Variants in FAF2 observed in about 807,000 individuals in gnomAD.
FAF2 encodes Fas associated factor family member 2.
A neutral mutation model predicts 62.3 loss-of-function variants in FAF2; 9 were observed. The observed-to-expected ratio is 0.14, with a 90% CI of 0.09 to 0.25. FAF2 has a LOEUF of 0.25. Ranked by LOEUF, FAF2 falls within the 10% of genes least tolerant of loss-of-function variation. FAF2 has a pLI of 1.00. For missense variants in FAF2, 368 were observed against 556.2 expected (o/e 0.66, Z 3.40); for synonymous variants, 202 against 198.0 (o/e 1.02, Z -0.17).
intron 2 of FAF2, among the ~76,000 whole-genome samples, chr5:176,482,864 T>C (rs1758806347): frequency 6.6e-6 from 1 of 151,640 alleles, no homozygotes; most frequent in South Asian, 2.1e-4. Flanking sequence ...CTGCGAGTTA[T>C]CTTTTTACTC....
intron 1 of FAF2, among the ~76,000 whole-genome samples, chr5:176,472,556 T>C (rs1758590171): frequency 6.6e-6 from 1 of 151,990 alleles, no homozygotes; most frequent in Admixed American, 6.6e-5. Context: ...ATGCTGGGAT[T>C]ACAGGTAATG....
rs530048837 is a variant in FAF2, at chr5:176,507,221, C to T, written c.*271C>T. On this transcript the variant is annotated 3_prime_UTR_variant, in exon 11 of 11. Coordinates refer to ENST00000261942, the MANE Select transcript of FAF2 (RefSeq NM_014613.3). ...ACCCTTCCTGTGGCCTCTGTGCACG[C>T]ACCTTCCAGTGAACAGAGACTCTTC... is the stretch of plus-strand genomic sequence containing the variant. 70 of 444,356 alleles carry T rather than the reference C, an allele frequency of 1.6e-4. No homozygotes were observed. Among genetic ancestry groups the T allele is most frequent in the African/African-American group, 1.3e-3 (63 of 49,378 alleles). 27.5% of individuals were successfully genotyped at this position (444,356 alleles called of 1,614,324 possible). A position where few individuals can be genotyped will look rare whatever the true frequency, so the allele number is the denominator to read the frequency against.
chr5:176,484,988 T>C (rs981329439), intron 2 of FAF2, among the ~76,000 whole-genome samples: 3 of 152,014 alleles, frequency 2.0e-5, no homozygotes, highest in Non-Finnish European at 2.9e-5. Context: ...GTTTGTGAAA[T>C]TGTGAAGAAA....
rs373575800 is a variant in FAF2 at position 176,494,749 on chromosome 5, G to T, written c.661+474G>T. ...TTTTTGTATTTTTAGTAGAGATGGGGTTTCACCATGTAGCCTCAAACTCCT... is the reference window on the plus strand; with the variant it reads ...TTTTTGTATTTTTAGTAGAGATGGGTTTTCACCATGTAGCCTCAAACTCCT... On this transcript the variant is annotated intron_variant, in intron 7 of 10. Coordinates refer to ENST00000261942, the MANE Select transcript of FAF2 (RefSeq NM_014613.3). This position sits in a 1 kb window ranked among gnomAD's most constrained non-coding sequence, Gnocchi z 4.0. Among the ~76,000 whole-genome samples the T allele has an allele frequency of 1.7e-3, 258 of 152,134 alleles. No homozygotes were observed. The highest frequency in any genetic ancestry group is 6.0e-3 in the African/African-American group (248 of 41,486).
At chr5:176,450,166 A>G (rs1361204844) in intron 1 of FAF2, among the ~76,000 whole-genome samples, 1 of 152,178 alleles carries the variant, frequency 6.6e-6, no homozygotes, top group Non-Finnish European at 1.5e-5. Context: ...TGAAGTGGTT[A>G]TTTTTTCCCC....
intron 1 of FAF2, among the ~76,000 whole-genome samples, chr5:176,450,762 C>T (rs1758151978): frequency 6.6e-6 from 1 of 152,060 alleles, no homozygotes; most frequent in African/African-American, 2.4e-5. Flanking sequence ...ACGATGTTGG[C>T]CAGGATGGTC....
At chr5:176,502,520 C>T (rs1320768835) in intron 10 of FAF2, among the ~76,000 whole-genome samples, 4 of 151,642 alleles carry the variant, frequency 2.6e-5, no homozygotes, top group South Asian at 4.1e-4. Flanking sequence ...GCAGAGGTTG[C>T]GGTGAGCCGA....
In FAF2 at chr5:176,492,229, G is replaced by A. The variant is rs573108149; in HGVS notation, c.380G>A (p.Ser127Asn). 3 of 1,614,048 alleles carry A rather than the reference G, an allele frequency of 1.9e-6. No individual in the cohort carries two copies. Among genetic ancestry groups the A allele is most frequent in the Non-Finnish European group, 2.5e-6 (3 of 1,179,976 alleles). The change falls in exon 5 of 11, where the codon AGC (serine) becomes AAC (asparagine). Residue 127 changes from serine to asparagine, a missense_variant. Transcript: ENST00000261942. ...ALRFIRPDPR[S>N]RVTDPVGDIV... Reference sequence around the variant, plus strand: ...CGTTTTATACGGCCTGACCCTCGCAGCCGGGTCACTGACCCCGTTGGGGAC... The same window carrying A: ...CGTTTTATACGGCCTGACCCTCGCAACCGGGTCACTGACCCCGTTGGGGAC...
At position 176,486,492 on chromosome 5, in the gene FAF2, A is replaced by G. The variant is rs1386913716; in HGVS notation, c.267+3A>G. 6.2e-7 allele frequency: 1 copy of G among 1,613,424 alleles called. No homozygotes were observed. The highest frequency in any genetic ancestry group is 1.3e-5 in the African/African-American group (1 of 74,896). On this transcript the variant is annotated splice_donor_region_variant and intron_variant, in intron 3 of 10. Transcript: ENST00000261942. ...TTGTCTCAAGACCTCAACCAAGGGC[A>G]AGTTATTTCATAGCTGGGATTTCCC... is the stretch of plus-strand genomic sequence containing the variant.
chr5:176,477,366 C>T (rs1359074696), intron 1 of FAF2, among the ~76,000 whole-genome samples: 2 of 151,428 alleles, frequency 1.3e-5, no homozygotes, highest in East Asian at 1.9e-4. Context: ...GGATTACAGG[C>T]GTGAGCCACC....
At position 176,476,804 on chromosome 5, in the gene FAF2, ATTTTTTT is replaced by A. The variant is rs749952460; in HGVS notation, c.64-2367_64-2361del. Among the ~76,000 whole-genome samples, 12 of 92,880 alleles carry A rather than the reference ATTTTTTT, an allele frequency of 1.3e-4. No homozygotes were observed. The South Asian group carries it at 2.0e-3, about 16-fold the overall frequency. The allele number at this position is 92,880 out of a possible 152,430, so 60.9% of individuals were successfully genotyped here. The stretch of plus-strand genomic sequence containing the variant: ...CACGCAGCACCACCATGCTGAACTA[ATTTTTTT>A]TTTTTTTTTTTTTTTTGAGATGGAG... On this transcript the variant is annotated intron_variant, in intron 1 of 10. Transcript: ENST00000261942.
intron 1 of FAF2, among the ~76,000 whole-genome samples, chr5:176,467,806 AT>A (rs142303486): frequency 0.011 from 1,749 of 152,346 alleles, 45 homozygotes; most frequent in African/African-American, 0.04. Flanking sequence ...AAATGTGAAG[AT>A]TAGCTATGTT....
intron 1 of FAF2, among the ~76,000 whole-genome samples, chr5:176,458,003 T>A (rs1232984534): frequency 1.3e-5 from 2 of 152,222 alleles, no homozygotes; most frequent in African/African-American, 4.8e-5. Flanking sequence ...GTAGCCCACA[T>A]TTAAAGTCTT....
rs1478413785 is a variant in FAF2 at position 176,509,971 on chromosome 5, CAT to C, written c.*3022_*3023del. ...CCAACTTGTACTGCGCCTGAATAGT[CAT>C]GTGATAATTTACTGAAGAAATCTAG... On this transcript the variant is annotated 3_prime_UTR_variant, in exon 11 of 11. Coordinates refer to ENST00000261942, the MANE Select transcript of FAF2 (RefSeq NM_014613.3). The C allele has an allele frequency of 6.6e-6, 1 of 152,650 alleles. No homozygotes were observed. The highest frequency in any genetic ancestry group is 1.5e-5 in the Non-Finnish European group (1 of 68,040). 9.5% of individuals were successfully genotyped at this position (152,650 alleles called of 1,614,324 possible). A position where few individuals can be genotyped will look rare whatever the true frequency, so the allele number is the denominator to read the frequency against.
intron 3 of FAF2, among the ~76,000 whole-genome samples, chr5:176,486,895 A>T (rs1407304589): frequency 6.6e-6 from 1 of 152,216 alleles, no homozygotes; most frequent in Admixed American, 6.5e-5. Flanking sequence ...GACATTTAAG[A>T]GTACTCCAAT....
Position 176,483,497 on chromosome 5 carries a change from C to T in FAF2, c.133-2858C>T, listed in dbSNP as rs572987327. ...TTTTGCATGTGGATATCCAATTATC[C>T]CAGCATCATTTGTTGAAAGATTATT... On this transcript the variant is annotated intron_variant, in intron 2 of 10. Coordinates refer to ENST00000261942, the MANE Select transcript of FAF2 (RefSeq NM_014613.3). Among the ~76,000 whole-genome samples the T allele has an allele frequency of 7.2e-5, 11 of 152,086 alleles. No homozygotes were observed. The South Asian group carries it at 1.9e-3, about 26-fold the overall frequency.
chr5:176,458,862 T>C (rs1561815702), intron 1 of FAF2, among the ~76,000 whole-genome samples: 2 of 151,976 alleles, frequency 1.3e-5, no homozygotes, highest in Non-Finnish European at 2.9e-5. Context: ...TAACATGTTA[T>C]TCCTTCTCAT....
chr5:176,493,284 C>T (rs1404237900), intron 5 of FAF2, among the ~76,000 whole-genome samples: 2 of 152,194 alleles, frequency 1.3e-5, no homozygotes, highest in African/African-American at 4.8e-5. Context: ...AAAAACTGAG[C>T]ACCTACTGTA....
chr5:176,472,452 G>GT (rs201245008), intron 1 of FAF2, among the ~76,000 whole-genome samples: 1,947 of 151,796 alleles, frequency 0.013, 50 homozygotes, highest in African/African-American at 0.043. Flanking sequence ...GCTTGTTTTT[G>GT]TTTTTTTTAA....
Sources: allele counts gnomAD v4.1 joint callset (sites outside exome capture counted in the v4.1 genomes callset), GRCh38; gene constraint gnomAD v4.1.1; non-coding constraint Gnocchi (gnomAD v3.1); transcripts MANE v1.5; gene names NCBI Gene and HGNC (gene_info 2026-07-23, HGNC 2026-07-21).